Variants in MDGA1 observed in about 807,000 individuals in gnomAD.
MDGA1 encodes the protein MAM domain-containing glycosylphosphatidylinositol anchor protein 1.
Under a neutral mutation model 101.5 loss-of-function variants are expected in MDGA1, and 54 were observed. The observed-to-expected ratio is 0.53, with a 90% confidence interval of 0.43 to 0.67. The LOEUF is 0.67. Among genes scored for constraint, MDGA1 ranks in the 30% least tolerant of loss-of-function variants. The probability of loss-of-function intolerance (pLI) is 0.00; values close to 1 mark genes in which losing one functional copy is unlikely to be tolerated. For synonymous variants in MDGA1, 533 were observed against 558.3 expected, an observed-to-expected ratio of 0.95 and a Z score of 0.64; for missense variants, 1,083 against 1,323.8, an observed-to-expected ratio of 0.82 and a Z score of 2.82.
Position 37,637,274 on chromosome 6 carries a change from TG to T in MDGA1, c.*93del. 9.5e-7 allele frequency: 1 copy of T among 1,049,394 alleles called. No individual in the cohort carries two copies. The highest frequency in any genetic ancestry group is 1.4e-6 in the Non-Finnish European group (1 of 693,662). 65.0% of individuals were successfully genotyped at this position (1,049,394 alleles called of 1,614,324 possible). On this transcript the variant is annotated 3_prime_UTR_variant, in exon 17 of 17. Transcript: ENST00000434837. ...CTCCCTGGCGGGCCGGCCCTGCCCC[TG>T]GGCACCCCAGCTGGCGGGGGTCAGT...
chr6:37,655,941 A>C lies in MDGA1; in HGVS notation c.383-45T>G, dbSNP rs757260929. ...ATGGAGTCAGGACTGGGTGACCCCA[A>C]GGTTGGGGGGCTCAGGCTCCTGGCA... On this transcript the variant is annotated intron_variant, in intron 3 of 16. Coordinates refer to ENST00000434837, the MANE Select transcript of MDGA1 (RefSeq NM_153487.4). The surrounding 1 kb of genome is among the most constrained non-coding windows in gnomAD (Gnocchi z 5.1). 1.3e-6 allele frequency: 2 copies of C among 1,528,548 alleles called. No individual in the cohort carries two copies. The highest frequency in any genetic ancestry group is 2.5e-5 in the South Asian group (2 of 79,910). The allele number at this position is 1,528,548 out of a possible 1,614,324, so 94.7% of individuals were successfully genotyped here. A position where few individuals can be genotyped will look rare whatever the true frequency, so the allele number is the denominator to read the frequency against.
chr6:37,667,462 A>G (rs1369320657), intron 1 of MDGA1, among the ~76,000 whole-genome samples: 1 of 152,244 alleles, frequency 6.6e-6, no homozygotes, highest in Non-Finnish European at 1.5e-5. Context: ...TAATCAGCAC[A>G]TAGTCCCTAT....
Position 37,634,191 on chromosome 6 carries a change from T to A in MDGA1, c.*3177A>T, listed in dbSNP as rs925852073. 1 of 152,592 alleles carries A rather than the reference T, an allele frequency of 6.6e-6. No homozygotes were observed. The highest frequency in any genetic ancestry group is 2.4e-5 in the African/African-American group (1 of 41,402). The allele number at this position is 152,592 out of a possible 1,614,324, so 9.5% of individuals were successfully genotyped here. A position where few individuals can be genotyped will look rare whatever the true frequency, so the allele number is the denominator to read the frequency against. ...TACAGCACCTGGCCCCCGGAGTCCT[T>A]TTCACCAACCTGAAGGGGACAAGGG... On this transcript the variant is annotated 3_prime_UTR_variant, in exon 17 of 17. Transcript: ENST00000434837. This position sits in a 1 kb window ranked among gnomAD's most constrained non-coding sequence, Gnocchi z 4.7.
chr6:37,661,158 G>A (rs1761614562), intron 2 of MDGA1, among the ~76,000 whole-genome samples: 1 of 152,174 alleles, frequency 6.6e-6, no homozygotes, highest in African/African-American at 2.4e-5. Context: ...TTTAGGTAGA[G>A]TTCAATTCCA....
intron 1 of MDGA1, among the ~76,000 whole-genome samples, chr6:37,677,640 G>C (rs1026248782): frequency 6.6e-6 from 1 of 152,020 alleles, no homozygotes; most frequent in African/African-American, 2.4e-5. Context: ...AGGGAGTTTA[G>C]AATGAATGGT....
intron 1 of MDGA1, among the ~76,000 whole-genome samples, chr6:37,695,012 G>C (rs913749944): frequency 6.6e-6 from 1 of 151,994 alleles, no homozygotes; most frequent in African/African-American, 2.4e-5. Context: ...GGGTTTACTA[G>C]ACTAGGAACA....
At chr6:37,663,659 C>A (rs1761675806) in intron 2 of MDGA1, among the ~76,000 whole-genome samples, 1 of 152,238 alleles carries the variant, frequency 6.6e-6, no homozygotes, top group South Asian at 2.1e-4. Context: ...GGTCTGCCCA[C>A]AGACACATTA....
At chr6:37,653,364 C>A (rs1201161234) in intron 6 of MDGA1, among the ~76,000 whole-genome samples, 1 of 152,202 alleles carries the variant, frequency 6.6e-6, no homozygotes, top group Non-Finnish European at 1.5e-5. Flanking sequence ...TCACAGAGAG[C>A]TAGTTTCTTT....
Position 37,652,933 on chromosome 6 carries a change from C to G in MDGA1, c.983-593G>C, listed in dbSNP as rs372507075. Among the ~76,000 whole-genome samples the G allele has an allele frequency of 6.6e-6, 1 of 152,142 alleles. No homozygotes were observed. The highest frequency in any genetic ancestry group is 2.1e-4 in the South Asian group (1 of 4,828). On this transcript the variant is annotated intron_variant, in intron 6 of 16. Coordinates refer to ENST00000434837, the MANE Select transcript of MDGA1 (RefSeq NM_153487.4). This position sits in a 1 kb window ranked among gnomAD's most constrained non-coding sequence, Gnocchi z 4.3. ...TTTCACTCTTTTGTGCTGTTTGACTCTTTGTAATAAGTGAGTGTAATTTTT... is the reference window on the plus strand; with the variant it reads ...TTTCACTCTTTTGTGCTGTTTGACTGTTTGTAATAAGTGAGTGTAATTTTT...
At chr6:37,651,528 T>G (rs1189987220) in intron 7 of MDGA1, among the ~76,000 whole-genome samples, 2 of 152,156 alleles carry the variant, frequency 1.3e-5, no homozygotes, top group African/African-American at 2.4e-5. Flanking sequence ...AATTAATTTA[T>G]TTTTCCGGGC....
At chr6:37,650,429 G>C in intron 7 of MDGA1, 24 bp from the exon 8 acceptor site, 1 of 1,497,626 alleles carries the variant, frequency 6.7e-7, no homozygotes, top group Non-Finnish European at 8.9e-7. Context: ...GGTGATCAGC[G>C]GAGAGGTAGG....
chr6:37,696,902 C>T lies in MDGA1; in HGVS notation c.-91G>A. ...CCGGGGCCCCGCGACGCCCCTATGT[C>T]CCCCCCTTTCCCTGAGAGGTGAGAG... On this transcript the variant is annotated 5_prime_UTR_variant, in exon 1 of 17. Coordinates refer to ENST00000434837, the MANE Select transcript of MDGA1 (RefSeq NM_153487.4). The surrounding 1 kb of genome is among the most constrained non-coding windows in gnomAD (Gnocchi z 5.6). The T allele has an allele frequency of 2.0e-6, 2 of 1,004,016 alleles. No homozygotes were observed. Among genetic ancestry groups the T allele is most frequent in the Non-Finnish European group, 3.1e-6 (2 of 652,084 alleles). The allele number at this position is 1,004,016 out of a possible 1,614,324, so 62.2% of individuals were successfully genotyped here.
At chr6:37,677,770 GC>G (rs1192669624) in intron 1 of MDGA1, among the ~76,000 whole-genome samples, 1 of 152,188 alleles carries the variant, frequency 6.6e-6, no homozygotes, top group Non-Finnish European at 1.5e-5. Context: ...TGGGGCCTTG[GC>G]CCATAGCAGC....
chr6:37,667,627 T>C (rs1249478559), intron 1 of MDGA1, among the ~76,000 whole-genome samples: 1 of 152,198 alleles, frequency 6.6e-6, no homozygotes, highest in African/African-American at 2.4e-5. Flanking sequence ...CAAAAGATGA[T>C]GTGCATGCTG....
rs1763824763 is a variant in MDGA1 at position 37,631,606 on chromosome 6, A to G, written c.*5762T>C. 6.6e-6 allele frequency: 1 copy of G among 152,232 alleles called. No individual in the cohort carries two copies. Among genetic ancestry groups the G allele is most frequent in the South Asian group, 2.1e-4 (1 of 4,830 alleles). 9.4% of individuals were successfully genotyped at this position (152,232 alleles called of 1,614,324 possible). A position where few individuals can be genotyped will look rare whatever the true frequency, so the allele number is the denominator to read the frequency against. The stretch of plus-strand genomic sequence containing the variant: ...GATATGATGTAGTCCATATCATGAC[A>G]TCCACACCCTTGATTTGGGGTCACT... On this transcript the variant is annotated 3_prime_UTR_variant, in exon 17 of 17. Coordinates refer to ENST00000434837, the MANE Select transcript of MDGA1 (RefSeq NM_153487.4).
chr6:37,665,640 T>G (rs892771963), intron 1 of MDGA1, among the ~76,000 whole-genome samples: 1 of 152,160 alleles, frequency 6.6e-6, no homozygotes, highest in Admixed American at 6.5e-5. Context: ...AACTACACCT[T>G]TGATCAGACA....
Position 37,633,435 on chromosome 6 carries a change from C to T in MDGA1, c.*3933G>A, listed in dbSNP as rs1763861664. The stretch of plus-strand genomic sequence containing the variant: ...AAAAACACAAGGATTCTGCACGCCC[C>T]ATCCGTGACCCTCCCGGTCTTTGGG... On this transcript the variant is annotated 3_prime_UTR_variant, in exon 17 of 17. Transcript: ENST00000434837. The T allele has an allele frequency of 6.6e-6, 1 of 152,328 alleles. No individual in the cohort carries two copies. The allele number at this position is 152,328 out of a possible 1,614,324, so 9.4% of individuals were successfully genotyped here.
rs111984547 is a variant in MDGA1, at chr6:37,645,971, G to A, written c.2225-15C>T. ...AGAGTTGATGGCTGAGAAAGCAAGC[G>A]GGGAAACCAAGTCAGAACTGAGGTG... On this transcript the variant is annotated splice_polypyrimidine_tract_variant and intron_variant, in intron 11 of 16. Transcript: ENST00000434837. 0.013 allele frequency: 21,116 copies of A among 1,613,934 alleles called. 263 individuals are homozygous for A. The highest frequency in any genetic ancestry group is 0.046 in the South Asian group (4,153 of 91,052).
chr6:37,682,995 A>G (rs2114095656), intron 1 of MDGA1, among the ~76,000 whole-genome samples: 1 of 152,218 alleles, frequency 6.6e-6, no homozygotes, highest in South Asian at 2.1e-4. Flanking sequence ...AACCCCTAAC[A>G]ATTGTTTCAC....
Sources: allele counts gnomAD v4.1 joint callset (sites outside exome capture counted in the v4.1 genomes callset), GRCh38; gene constraint gnomAD v4.1.1; non-coding constraint Gnocchi (gnomAD v3.1); transcripts MANE v1.5; gene names NCBI Gene and HGNC (gene_info 2026-07-23, HGNC 2026-07-21).